Variants in KCNIP4 observed in about 807,000 individuals in gnomAD.
KCNIP4 encodes potassium voltage-gated channel interacting protein 4.
A neutral mutation model predicts 34.0 loss-of-function variants in KCNIP4; 12 were observed. The ratio of observed to expected loss-of-function variants is 0.35; its 90% confidence interval spans 0.23 to 0.57. The LOEUF (loss-of-function observed/expected upper bound fraction) is 0.57, where lower values mean the gene tolerates loss of function less well. Ranked by LOEUF, KCNIP4 falls within the 20% of genes least tolerant of loss-of-function variation. The pLI, the probability that KCNIP4 is intolerant of heterozygous loss-of-function variation, is 0.83. For missense variants in KCNIP4, 238 were observed against 311.7 expected, an observed-to-expected ratio of 0.76 and a Z score of 1.78; for synonymous variants, 124 against 102.2, an observed-to-expected ratio of 1.21 and a Z score of -1.29.
chr4:21,589,158 A>G (rs1967219), intron 1 of KCNIP4, among the ~76,000 whole-genome samples: 5,985 of 41,918 alleles, frequency 0.14, 196 homozygotes, highest in African/African-American at 0.19. Flanking sequence ...GGAGGTGTGT[A>G]TATATATATA....
chr4:21,870,044 T>C (rs1382359835), intron 1 of KCNIP4, among the ~76,000 whole-genome samples: 1 of 152,188 alleles, frequency 6.6e-6, no homozygotes, highest in Non-Finnish European at 1.5e-5. Flanking sequence ...TCTGTGTATC[T>C]GCGGCAAGGT....
At position 21,147,794 on chromosome 4, in the gene KCNIP4, C is replaced by T. The variant is rs188766677; in HGVS notation, c.62-265085G>A. The stretch of plus-strand genomic sequence containing the variant: ...TCTCTACTAAAAATACAAAAATTAG[C>T]CGAGCATGGTGGCAGATGCCTGTAA... On this transcript the variant is annotated intron_variant, in intron 1 of 8. Transcript: ENST00000382152. Among the ~76,000 whole-genome samples the T allele has an allele frequency of 1.2e-3, 189 of 151,718 alleles. 1 individual carries two copies. The highest frequency in any genetic ancestry group is 3.9e-3 in the African/African-American group (163 of 41,426).
chr4:21,888,703 T>C (rs1219149526), intron 1 of KCNIP4, among the ~76,000 whole-genome samples: 1 of 152,080 alleles, frequency 6.6e-6, no homozygotes, highest in East Asian at 1.9e-4. Flanking sequence ...ATTATAACTG[T>C]CCACACCTTC....
intron 1 of KCNIP4, among the ~76,000 whole-genome samples, chr4:21,637,046 C>A (rs1447214507): frequency 6.6e-6 from 1 of 152,060 alleles, no homozygotes; most frequent in Non-Finnish European, 1.5e-5. Context: ...TTACAGCTGG[C>A]TCTCTGTATT....
chr4:21,267,389 A>T (rs12108374), intron 1 of KCNIP4, among the ~76,000 whole-genome samples: 156 of 151,866 alleles, frequency 1.0e-3, no homozygotes, highest in African/African-American at 3.5e-3. Flanking sequence ...CACTATGTTG[A>T]ATAGGAGTGG....
intron 1 of KCNIP4, among the ~76,000 whole-genome samples, chr4:21,570,839 C>A: frequency 6.6e-6 from 1 of 152,048 alleles, no homozygotes. Context: ...TCACATCGAA[C>A]CCTCCAAACA....
intron 1 of KCNIP4, among the ~76,000 whole-genome samples, chr4:20,910,740 C>T (rs1276384830): frequency 2.0e-5 from 3 of 152,148 alleles, no homozygotes; most frequent in Non-Finnish European, 4.4e-5. Context: ...ACATAATTAT[C>T]TCCAATAAAA....
rs538884355 is a variant in KCNIP4, at chr4:21,605,436, G to A, written c.61+343135C>T. 2.6e-5 allele frequency among the ~76,000 whole-genome samples: 4 copies of A among 152,234 alleles called. No individual in the cohort carries two copies. The South Asian group carries it at 6.2e-4, about 24-fold the overall frequency. ...TGCTCTGTCATAAAGCTTCTAGGGC[G>A]AGACCAATATGCCCAATCTCAAACA... On this transcript the variant is annotated intron_variant, in intron 1 of 8. Coordinates refer to ENST00000382152, the MANE Select transcript of KCNIP4 (RefSeq NM_025221.6).
chr4:21,600,545 A>G (rs905432458), intron 1 of KCNIP4, among the ~76,000 whole-genome samples: 4 of 151,616 alleles, frequency 2.6e-5, no homozygotes, highest in African/African-American at 9.8e-5. Flanking sequence ...AGCGTAAACT[A>G]TAGTCATCCT....
chr4:21,755,099 G>A (rs957475782), intron 1 of KCNIP4, among the ~76,000 whole-genome samples: 2 of 152,106 alleles, frequency 1.3e-5, no homozygotes, highest in South Asian at 2.1e-4. Flanking sequence ...AGCAGATGGC[G>A]CCACTTCACT....
chr4:21,940,206 T>C (rs1730124515), intron 1 of KCNIP4, among the ~76,000 whole-genome samples: 1 of 152,158 alleles, frequency 6.6e-6, no homozygotes, highest in Non-Finnish European at 1.5e-5. Context: ...TAAACCCATA[T>C]TACAATTAGA....
At chr4:21,470,012 A>G (rs1356625851) in intron 1 of KCNIP4, among the ~76,000 whole-genome samples, 1 of 152,190 alleles carries the variant, frequency 6.6e-6, no homozygotes, top group African/African-American at 2.4e-5. Flanking sequence ...TGGCCGAAAT[A>G]TAATAAAAAT....
At chr4:21,275,014 A>G (rs1394126237) in intron 1 of KCNIP4, among the ~76,000 whole-genome samples, 2 of 152,176 alleles carry the variant, frequency 1.3e-5, no homozygotes, top group Non-Finnish European at 2.9e-5. Context: ...ACCTAAAGCC[A>G]TTACTCAAAT....
chr4:21,291,848 C>T (rs1345926095), intron 1 of KCNIP4, among the ~76,000 whole-genome samples: 4 of 73,616 alleles, frequency 5.4e-5, no homozygotes, highest in African/African-American at 2.1e-4. Context: ...AGTTAGACTC[C>T]GCCTCAAAAA....
intron 1 of KCNIP4, among the ~76,000 whole-genome samples, chr4:21,786,188 C>T (rs1403278667): frequency 1.3e-5 from 2 of 152,218 alleles, no homozygotes; most frequent in Non-Finnish European, 1.5e-5. Flanking sequence ...ACCTTGTGAT[C>T]TGCCTGCCTT....
chr4:21,364,577 AT>A (rs548625086), intron 1 of KCNIP4, among the ~76,000 whole-genome samples: 146 of 151,732 alleles, frequency 9.6e-4, no homozygotes, highest in African/African-American at 3.4e-3. Flanking sequence ...TCTCATGATA[AT>A]TTTTTTTTCT....
At chr4:20,942,746 A>G (rs1354027041) in intron 1 of KCNIP4, among the ~76,000 whole-genome samples, 1 of 152,048 alleles carries the variant, frequency 6.6e-6, no homozygotes, top group Non-Finnish European at 1.5e-5. Context: ...ATCTTGGCTC[A>G]CTGCAACCTC....
At chr4:21,692,474 A>T (rs930962183) in intron 1 of KCNIP4, among the ~76,000 whole-genome samples, 3 of 152,142 alleles carry the variant, frequency 2.0e-5, no homozygotes, top group African/African-American at 7.2e-5. Context: ...GAAAATGTAA[A>T]CTCTGTTGGG....
At chr4:21,417,834 G>A (rs1318682066) in intron 1 of KCNIP4, among the ~76,000 whole-genome samples, 1 of 152,130 alleles carries the variant, frequency 6.6e-6, no homozygotes, top group African/African-American at 2.4e-5. Context: ...GCTAGGGTAG[G>A]AGTCACTGTG....
Sources: allele counts gnomAD v4.1 joint callset (sites outside exome capture counted in the v4.1 genomes callset), GRCh38; gene constraint gnomAD v4.1.1; transcripts MANE v1.5; gene names NCBI Gene and HGNC (gene_info 2026-07-23, HGNC 2026-07-21).